The following RHOJ variants were observed in gnomAD, a reference collection of about 807,000 sequenced individuals.
The protein encoded by RHOJ is rho-related GTP-binding protein RhoJ.
In RHOJ, 11 loss-of-function variants were observed where a neutral mutation model predicts 23.4. That is an observed-to-expected ratio of 0.47 (90% CI 0.30 to 0.78). The LOEUF (loss-of-function observed/expected upper bound fraction) is 0.78. RHOJ is among the 30% of genes least tolerant of loss of function. The pLI is 0.08. For missense variants in RHOJ, 254 were observed against 273.4 expected, an observed-to-expected ratio of 0.93 and a Z score of 0.50; for synonymous variants, 102 against 102.7, an observed-to-expected ratio of 0.99 and a Z score of 0.04.
rs1210083485 is a variant in RHOJ, at chr14:63,250,862, C to T, written c.179-18248C>T. Among the ~76,000 whole-genome samples, 16 of 151,964 alleles carry T rather than the reference C, an allele frequency of 1.1e-4. No individual in the cohort carries two copies. In the East Asian group the frequency reaches 2.9e-3, roughly 28 times the overall value. ...CAGCCTCGCCAATATGGAGAAACCC[C>T]ATCTCTACCAAAAATACAAAAAATT... is the stretch of plus-strand genomic sequence containing the variant. On this transcript the variant is annotated intron_variant, in intron 1 of 4. Coordinates refer to ENST00000316754, the MANE Select transcript of RHOJ (RefSeq NM_020663.5).
intron 1 of RHOJ, among the ~76,000 whole-genome samples, chr14:63,215,578 G>A (rs1264265619): frequency 6.6e-6 from 1 of 152,056 alleles, no homozygotes; most frequent in Non-Finnish European, 1.5e-5. Flanking sequence ...TTTTCTCTAG[G>A]TAGTAAGTAT....
At chr14:63,275,044 A>T (rs545198291) in intron 2 of RHOJ, among the ~76,000 whole-genome samples, 72 of 152,290 alleles carry the variant, frequency 4.7e-4, no homozygotes, top group African/African-American at 1.6e-3. Context: ...CAGTAGCACT[A>T]GCATCACCTG....
At chr14:63,246,640 C>T (rs57700441) in intron 1 of RHOJ, among the ~76,000 whole-genome samples, 1 of 152,280 alleles carries the variant, frequency 6.6e-6, no homozygotes, top group East Asian at 1.9e-4. Context: ...GATTCTCTCT[C>T]TCCTCCTATT....
At chr14:63,219,242 G>A (rs183132498) in intron 1 of RHOJ, among the ~76,000 whole-genome samples, 1 of 152,080 alleles carries the variant, frequency 6.6e-6, no homozygotes, top group Non-Finnish European at 1.5e-5. Context: ...ACCACACAGA[G>A]CATTTTGAGG....
In RHOJ at chr14:63,204,799, C is replaced by T. The variant is rs1212173880; in HGVS notation, c.-71C>T. On this transcript the variant is annotated 5_prime_UTR_variant, in exon 1 of 5. Coordinates refer to ENST00000316754, the MANE Select transcript of RHOJ (RefSeq NM_020663.5). ...CTCAAGCCTGGCACTGGCTTTCTGC[C>T]GCTTCATGTGCTTTGGAAAAAGCAG... The T allele has an allele frequency of 1.3e-6, 2 of 1,499,162 alleles. No homozygotes were observed. The highest frequency in any genetic ancestry group is 1.8e-6 in the Non-Finnish European group (2 of 1,100,180). 92.9% of individuals were successfully genotyped at this position (1,499,162 alleles called of 1,614,324 possible).
At chr14:63,281,363 A>G (rs981103214) in intron 3 of RHOJ, among the ~76,000 whole-genome samples, 21 of 152,204 alleles carry the variant, frequency 1.4e-4, no homozygotes, top group African/African-American at 5.1e-4. Flanking sequence ...TTCAAAAATT[A>G]ATCTCTATGA....
Position 63,285,741 on chromosome 14 carries a change from G to A in RHOJ, c.498+2525G>A, listed in dbSNP as rs115234953. Among the ~76,000 whole-genome samples, 1,476 of 152,074 alleles carry A rather than the reference G, an allele frequency of 9.7e-3. 25 individuals are homozygous for A. Among genetic ancestry groups the A allele is most frequent in the African/African-American group, 0.033 (1,388 of 41,456 alleles). On this transcript the variant is annotated intron_variant, in intron 4 of 4. Transcript: ENST00000316754. ...CACATTTGTAACTGCCCCTATTGCT[G>A]CTAGAATTATTAAACAACAATTGAT... is the stretch of plus-strand genomic sequence containing the variant.
intron 1 of RHOJ, among the ~76,000 whole-genome samples, chr14:63,241,420 A>G (rs2139631753): frequency 6.6e-6 from 1 of 152,314 alleles, no homozygotes; most frequent in African/African-American, 2.4e-5. Context: ...TATATTTTAA[A>G]AGAATACTTG....
chr14:63,229,242 A>G (rs1894647821), intron 1 of RHOJ, among the ~76,000 whole-genome samples: 2 of 152,340 alleles, frequency 1.3e-5, no homozygotes, highest in Non-Finnish European at 1.5e-5. Context: ...CAAAAAAAAG[A>G]AGGAGGAATG....
intron 1 of RHOJ, among the ~76,000 whole-genome samples, chr14:63,263,383 G>T (rs1316959600): frequency 6.6e-6 from 1 of 152,188 alleles, no homozygotes; most frequent in African/African-American, 2.4e-5. Flanking sequence ...TCCACTGCTA[G>T]TCCAAGATAA....
At chr14:63,268,639 T>C (rs1955670) in intron 1 of RHOJ, among the ~76,000 whole-genome samples, 27,538 of 152,190 alleles carry the variant, frequency 0.18, 2,888 homozygotes, top group African/African-American at 0.29. Flanking sequence ...GGTGTGATAA[T>C]ATTCTTTGTT....
At chr14:63,225,603 A>G (rs1351131740) in intron 1 of RHOJ, among the ~76,000 whole-genome samples, 1 of 152,190 alleles carries the variant, frequency 6.6e-6, no homozygotes, top group Non-Finnish European at 1.5e-5. Context: ...ACCCAAAAGA[A>G]AAATGGGAAA....
intron 1 of RHOJ, among the ~76,000 whole-genome samples, chr14:63,262,391 A>G (rs887374760): frequency 6.6e-6 from 1 of 152,202 alleles, no homozygotes; most frequent in Admixed American, 6.5e-5. Context: ...TAACCACTCC[A>G]ATTCACTCAA....
At chr14:63,227,289 A>G (rs1008492202) in intron 1 of RHOJ, among the ~76,000 whole-genome samples, 1 of 152,220 alleles carries the variant, frequency 6.6e-6, no homozygotes, top group Non-Finnish European at 1.5e-5. Flanking sequence ...TAATACTTCA[A>G]GTAATGGCTA....
At chr14:63,244,544 C>G (rs1237700583) in intron 1 of RHOJ, among the ~76,000 whole-genome samples, 2 of 152,176 alleles carry the variant, frequency 1.3e-5, no homozygotes, top group African/African-American at 4.8e-5. Flanking sequence ...CGCCATTGCA[C>G]TCTAGCCTGG....
intron 4 of RHOJ, among the ~76,000 whole-genome samples, chr14:63,287,632 T>G (rs1882122690): frequency 6.6e-6 from 1 of 152,090 alleles, no homozygotes; most frequent in Non-Finnish European, 1.5e-5. Context: ...CTCTTGTATC[T>G]TCTGTACATC....
chr14:63,223,915 T>C (rs1894544768), intron 1 of RHOJ, among the ~76,000 whole-genome samples: 1 of 152,192 alleles, frequency 6.6e-6, no homozygotes, highest in African/African-American at 2.4e-5. Flanking sequence ...AATAGCTTGT[T>C]GAGCAAATTT....
chr14:63,254,529 G>A (rs1270995392), intron 1 of RHOJ, among the ~76,000 whole-genome samples: 2 of 152,140 alleles, frequency 1.3e-5, no homozygotes, highest in African/African-American at 4.8e-5. Context: ...GGGCCTTAGA[G>A]GCTTCTCTTT....
At chr14:63,285,329 C>A (rs929927003) in intron 4 of RHOJ, among the ~76,000 whole-genome samples, 2 of 152,152 alleles carry the variant, frequency 1.3e-5, no homozygotes, top group Non-Finnish European at 2.9e-5. Context: ...TCTTCTGCCT[C>A]CCTCCTATAA....
Sources: gnomAD v4.1 joint callset for allele counts (sites outside exome capture counted in the v4.1 genomes callset) on GRCh38, gnomAD v4.1.1 for gene constraint, MANE v1.5 for transcripts, NCBI Gene and HGNC (gene_info 2026-07-23, HGNC 2026-07-21) for gene names.